MTCL2: variants seen among roughly 807,000 people sequenced by gnomAD.
The protein encoded by MTCL2 is microtubule cross-linking factor 2.
At chr20:36,824,508 G>C in the MTCL2 span, among the ~76,000 whole-genome samples, 38 of 152,006 alleles carry the variant, frequency 2.5e-4, no homozygotes, top group Non-Finnish European at 5.4e-4. Context: ...AGAGGGAAAG[G>C]GGGAGTGGGG....
chr20:36,820,204 T>A, the MTCL2 span, among the ~76,000 whole-genome samples: 1 of 152,186 alleles, frequency 6.6e-6, no homozygotes, highest in Non-Finnish European at 1.5e-5. Flanking sequence ...AAATTCCATT[T>A]TCTCATTTAT....
chr20:36,800,505 C>T, the MTCL2 span, among the ~76,000 whole-genome samples: 1 of 152,172 alleles, frequency 6.6e-6, no homozygotes, highest in African/African-American at 2.4e-5. Context: ...GTGGGCATGG[C>T]CCAGGACCAG....
At chr20:36,833,587 G>A in the MTCL2 span, among the ~76,000 whole-genome samples, 100 of 152,352 alleles carry the variant, frequency 6.6e-4, no homozygotes, top group East Asian at 0.018. Context: ...GGTGGCTGAC[G>A]CCTGTAATTC....
the MTCL2 span, among the ~76,000 whole-genome samples, chr20:36,795,599 AC>A: frequency 6.6e-6 from 1 of 151,980 alleles, no homozygotes; most frequent in African/African-American, 2.4e-5. Context: ...AGATGGTAAA[AC>A]CCTATCTCTT....
the MTCL2 span, chr20:36,784,005 C>G: frequency 1.0e-6 from 1 of 985,644 alleles, no homozygotes; most frequent in Non-Finnish European, 1.2e-6. Context: ...AAACCAAGGT[C>G]TGGCTGAGAC....
the MTCL2 span, among the ~76,000 whole-genome samples, chr20:36,795,785 AC>A: frequency 6.6e-6 from 1 of 151,516 alleles, no homozygotes; most frequent in African/African-American, 2.4e-5. Flanking sequence ...CAAAAAAAAA[AC>A]AAAAACAAAA....
the MTCL2 span, among the ~76,000 whole-genome samples, chr20:36,799,097 T>G: frequency 1.3e-5 from 2 of 152,078 alleles, no homozygotes; most frequent in East Asian, 3.9e-4. Context: ...AGCTCACAAC[T>G]ATAATCCCAG....
chr20:36,848,972 A>G, the MTCL2 span, among the ~76,000 whole-genome samples: 17 of 151,628 alleles, frequency 1.1e-4, no homozygotes, highest in Non-Finnish European at 2.1e-4. Flanking sequence ...TAGATCTGTC[A>G]CCAGAATTTA....
chr20:36,807,961 C>T, the MTCL2 span, among the ~76,000 whole-genome samples: 6 of 148,204 alleles, frequency 4.0e-5, no homozygotes, highest in African/African-American at 7.4e-5. Flanking sequence ...CTGCAAGCTC[C>T]GCCTCCTGGG....
chr20:36,785,130 A>G, the MTCL2 span: 2 of 985,276 alleles, frequency 2.0e-6, no homozygotes, highest in Admixed American at 6.2e-5. Flanking sequence ...GGCATTGAGT[A>G]ATAAGTAGTG....
the MTCL2 span, chr20:36,781,387 T>C: frequency 6.6e-6 from 1 of 151,570 alleles, no homozygotes; most frequent in South Asian, 2.1e-4. Context: ...AATAAAAAAA[T>C]TAGTCGGGTG....
the MTCL2 span, chr20:36,802,925 C>T: frequency 2.5e-6 from 4 of 1,573,138 alleles, no homozygotes; most frequent in Non-Finnish European, 3.5e-6. Flanking sequence ...GCAGCCGCTC[C>T]ACCAGCTGCA....
the MTCL2 span, chr20:36,817,574 C>T: frequency 1.8e-6 from 2 of 1,081,522 alleles, no homozygotes; most frequent in Non-Finnish European, 2.6e-6. Flanking sequence ...CCAGGGAGGG[C>T]CCCAGTCCCC....
the MTCL2 span, among the ~76,000 whole-genome samples, chr20:36,848,857 T>C: frequency 6.6e-6 from 1 of 151,990 alleles, no homozygotes; most frequent in Non-Finnish European, 1.5e-5. Context: ...TATCTGTGAC[T>C]TTGCCACCAA....
At chr20:36,822,796 C>CCAGACA in the MTCL2 span, among the ~76,000 whole-genome samples, 1 of 149,728 alleles carries the variant, frequency 6.7e-6, no homozygotes, top group Admixed American at 6.7e-5. Flanking sequence ...CTCACTCTGT[C>CCAGACA]GCCCAGGCTG....
chr20:36,813,818 T>C, the MTCL2 span, among the ~76,000 whole-genome samples: 10 of 149,538 alleles, frequency 6.7e-5, no homozygotes, highest in South Asian at 2.1e-3. Flanking sequence ...TCTCTTTCCC[T>C]GGAAATGAAA....
chr20:36,847,110 G>A, the MTCL2 span, among the ~76,000 whole-genome samples: 3 of 152,204 alleles, frequency 2.0e-5, no homozygotes, highest in African/African-American at 4.8e-5. Flanking sequence ...TCCTCTTACC[G>A]ACCCTGTGAG....
At chr20:36,785,170 G>A in the MTCL2 span, 4 of 985,274 alleles carry the variant, frequency 4.1e-6, no homozygotes, top group South Asian at 1.4e-4. Flanking sequence ...GCCGTGTTGG[G>A]GTGCAGGGCT....
the MTCL2 span, among the ~76,000 whole-genome samples, chr20:36,853,341 C>T: frequency 3.9e-5 from 6 of 152,196 alleles, no homozygotes; most frequent in Non-Finnish European, 8.8e-5. Context: ...AGGAACCTCA[C>T]AGAGGTCAAG....
Sources: gnomAD v4.1 joint callset for allele counts (sites outside exome capture counted in the v4.1 genomes callset) on GRCh38, gnomAD v4.1.1 for gene constraint, MANE v1.5 for transcripts, NCBI Gene and HGNC (gene_info 2026-07-23, HGNC 2026-07-21) for gene names.